ITPK1: variants seen among roughly 807,000 people sequenced by gnomAD.
ITPK1 encodes the protein inositol-tetrakisphosphate 1-kinase, also known as inositol 1,3,4-trisphosphate 5/6-kinase.
ITPK1 carries 21 observed loss-of-function variants against 45.3 expected under a neutral mutation model. The observed-to-expected ratio is 0.46, with a 90% confidence interval of 0.33 to 0.67. The LOEUF (loss-of-function observed/expected upper bound fraction) is 0.67, where lower values mean the gene tolerates loss of function less well. ITPK1 is among the 30% of genes least tolerant of loss of function. The pLI is 0.02. For synonymous variants in ITPK1, 258 were observed against 253.6 expected (o/e 1.02, Z -0.16); for missense variants, 474 against 573.5 (o/e 0.83, Z 1.77).
At chr14:93,066,433 G>A (rs905247156) in intron 3 of ITPK1, 2 of 349,930 alleles carry the variant, frequency 5.7e-6, no homozygotes, top group Non-Finnish European at 1.1e-5. Flanking sequence ...TTGAGACGGA[G>A]TCTTGCTCTG....
intron 5 of ITPK1, among the ~76,000 whole-genome samples, chr14:92,993,204 T>C (rs1682228990): frequency 6.6e-6 from 1 of 152,190 alleles, no homozygotes; most frequent in Admixed American, 6.5e-5. Context: ...TTCCTTAAAA[T>C]TAAACAAGAG....
At chr14:92,986,538 G>C (rs1228901702) in intron 5 of ITPK1, among the ~76,000 whole-genome samples, 1 of 152,188 alleles carries the variant, frequency 6.6e-6, no homozygotes, top group Non-Finnish European at 1.5e-5. Flanking sequence ...GTACCTCCTA[G>C]AGGAGGGGTG....
At chr14:93,087,145 G>A (rs1014837682) in intron 2 of ITPK1, among the ~76,000 whole-genome samples, 5 of 152,228 alleles carry the variant, frequency 3.3e-5, no homozygotes, top group Non-Finnish European at 7.3e-5. Context: ...TGAGGTCAGA[G>A]GCAGGCTTCC....
intron 2 of ITPK1, among the ~76,000 whole-genome samples, chr14:93,103,675 T>G (rs945693268): frequency 6.6e-6 from 1 of 152,052 alleles, no homozygotes; most frequent in Non-Finnish European, 1.5e-5. Flanking sequence ...GGGGTGTTTT[T>G]TAAAAAGAAG....
At chr14:93,011,086 G>T (rs1776837710) in intron 4 of ITPK1, among the ~76,000 whole-genome samples, 2 of 152,254 alleles carry the variant, frequency 1.3e-5, no homozygotes, top group Non-Finnish European at 2.9e-5. Flanking sequence ...GAAGAAAAAG[G>T]AACTATGCAG....
At chr14:93,052,986 G>A (rs1231081505) in intron 3 of ITPK1, among the ~76,000 whole-genome samples, 1 of 145,836 alleles carries the variant, frequency 6.9e-6, no homozygotes, top group African/African-American at 2.5e-5. Context: ...GGGGGGAGGG[G>A]GGAAGGGGGA....
At chr14:92,972,342 A>T (rs765083445) in intron 5 of ITPK1, among the ~76,000 whole-genome samples, 2 of 152,262 alleles carry the variant, frequency 1.3e-5, no homozygotes, top group South Asian at 4.1e-4. Context: ...TCCTAATCCA[A>T]TAGGACTGGT....
intron 2 of ITPK1, among the ~76,000 whole-genome samples, chr14:93,085,662 G>C (rs142365410): frequency 1.2e-3 from 183 of 152,298 alleles, no homozygotes; most frequent in Non-Finnish European, 2.0e-3. Flanking sequence ...GCGAGGGCAG[G>C]AGATCACGCA....
At chr14:93,002,763 C>A (rs1479261637) in intron 4 of ITPK1, among the ~76,000 whole-genome samples, 1 of 152,124 alleles carries the variant, frequency 6.6e-6, no homozygotes, top group African/African-American at 2.4e-5. Flanking sequence ...CTTCATCCAG[C>A]CCCCATCTTT....
intron 4 of ITPK1, among the ~76,000 whole-genome samples, chr14:93,002,302 T>C (rs956953014): frequency 6.6e-6 from 1 of 152,144 alleles, no homozygotes; most frequent in Admixed American, 6.5e-5. Flanking sequence ...AATCACGACA[T>C]TGCACTCAGC....
chr14:93,066,428 AC>A (rs1172082964), intron 3 of ITPK1: 1 of 335,968 alleles, frequency 3.0e-6, no homozygotes, highest in Non-Finnish European at 5.8e-6. Context: ...TTTTTTTGAG[AC>A]GGAGTCTTGC....
rs1212780578 is a variant in ITPK1, at chr14:92,964,087, T to A, written c.365-1238A>T. On this transcript the variant is annotated intron_variant, in intron 5 of 10. Coordinates refer to ENST00000267615, the MANE Select transcript of ITPK1 (RefSeq NM_014216.6). The stretch of plus-strand genomic sequence containing the variant: ...AATGCCAAGAATTACACAGGGCATA[T>A]AAAATTGCTTTTATCTCCCTCCTCA... Among the ~76,000 whole-genome samples, 3 of 152,238 alleles carry A rather than the reference T, an allele frequency of 2.0e-5. No homozygotes were observed. The East Asian group carries it at 5.8e-4, about 29-fold the overall frequency.
intron 2 of ITPK1, among the ~76,000 whole-genome samples, chr14:93,103,099 C>CAAAAA (rs71123389): frequency 1.2e-4 from 8 of 68,832 alleles, no homozygotes; most frequent in South Asian, 4.4e-4. Context: ...GACTCCATCT[C>CAAAAA]AAAAAAAAAA....
At chr14:93,031,869 C>A (rs1439561351) in intron 3 of ITPK1, among the ~76,000 whole-genome samples, 1 of 152,230 alleles carries the variant, frequency 6.6e-6, no homozygotes, top group Non-Finnish European at 1.5e-5. Flanking sequence ...GCAAAGAATT[C>A]TCCAAGTCAA....
chr14:93,094,626 A>G (rs1286642983), intron 2 of ITPK1, among the ~76,000 whole-genome samples: 1 of 152,080 alleles, frequency 6.6e-6, no homozygotes, highest in African/African-American at 2.4e-5. Context: ...AGGGCCACCA[A>G]GCTTCCCAGT....
At chr14:92,947,127 C>T (rs1233472455) in intron 9 of ITPK1, among the ~76,000 whole-genome samples, 1 of 152,246 alleles carries the variant, frequency 6.6e-6, no homozygotes, top group Non-Finnish European at 1.5e-5. Flanking sequence ...ATCACAGAGA[C>T]CCCCAAGGAG....
chr14:93,115,500 G>T (rs896954937), intron 1 of ITPK1, among the ~76,000 whole-genome samples, 195 bp from the exon 2 acceptor site: 1 of 149,894 alleles, frequency 6.7e-6, no homozygotes, highest in Non-Finnish European at 1.5e-5. Flanking sequence ...GCACGGCTGA[G>T]CCTGAGTCTG....
intron 2 of ITPK1, among the ~76,000 whole-genome samples, chr14:93,103,431 A>T (rs1892402499): frequency 6.6e-6 from 1 of 151,550 alleles, no homozygotes; most frequent in African/African-American, 2.4e-5. Context: ...AAAAAAAAAT[A>T]AGAAGAAGAA....
At chr14:93,045,582 G>T (rs543905942) in intron 3 of ITPK1, among the ~76,000 whole-genome samples, 2 of 152,304 alleles carry the variant, frequency 1.3e-5, no homozygotes, top group African/African-American at 4.8e-5. Context: ...TGGAGCCCAG[G>T]AGTTCAAGGC....
Sources: gnomAD v4.1 joint callset for allele counts (sites outside exome capture counted in the v4.1 genomes callset) on GRCh38, gnomAD v4.1.1 for gene constraint, MANE v1.5 for transcripts, NCBI Gene and HGNC (gene_info 2026-07-23, HGNC 2026-07-21) for gene names.